Variants in MTMR14 observed in about 807,000 individuals in gnomAD.
MTMR14 encodes the protein myotubularin related protein 14.
A neutral mutation model predicts 86.3 loss-of-function variants in MTMR14; 48 were observed. The observed-to-expected ratio is 0.56, with a 90% CI of 0.44 to 0.71. The LOEUF is 0.71. Ranked by LOEUF, MTMR14 falls within the 30% of genes least tolerant of loss-of-function variation. MTMR14 has a pLI of 0.00. For synonymous variants in MTMR14, 366 were observed against 326.1 expected, an observed-to-expected ratio of 1.12 and a Z score of -1.32; for missense variants, 780 against 834.6, an observed-to-expected ratio of 0.93 and a Z score of 0.81.
chr3:9,686,717 G>A (rs1559604972), intron 13 of MTMR14, among the ~76,000 whole-genome samples: 1 of 152,258 alleles, frequency 6.6e-6, no homozygotes, highest in Non-Finnish European at 1.5e-5. Flanking sequence ...GTGGGGGGCA[G>A]CTCCTTGCCT....
In MTMR14 at chr3:9,677,923, C is replaced by G; in HGVS notation, c.823-61C>G. 6.6e-7 allele frequency: 1 copy of G among 1,507,584 alleles called. No individual in the cohort carries two copies. Among genetic ancestry groups the G allele is most frequent in the Non-Finnish European group, 9.2e-7 (1 of 1,090,248 alleles). 93.4% of individuals were successfully genotyped at this position (1,507,584 alleles called of 1,614,324 possible). On this transcript the variant is annotated intron_variant, in intron 8 of 18. Coordinates refer to ENST00000296003, the MANE Select transcript of MTMR14 (RefSeq NM_001077525.3). This position sits in a 1 kb window ranked among gnomAD's most constrained non-coding sequence, Gnocchi z 4.2. ...CACAGCCTCAGGACTGCAAGCTTCCCCATCACCTAAGCCTCCTCTGGTGGC... is the reference window on the plus strand; with the variant it reads ...CACAGCCTCAGGACTGCAAGCTTCCGCATCACCTAAGCCTCCTCTGGTGGC...
At chr3:9,656,124 G>C (rs1329760987) in intron 2 of MTMR14, among the ~76,000 whole-genome samples, 1 of 152,044 alleles carries the variant, frequency 6.6e-6, no homozygotes, top group Non-Finnish European at 1.5e-5. Flanking sequence ...GAACCCAGGA[G>C]GCGGAGACTG....
intron 13 of MTMR14, among the ~76,000 whole-genome samples, chr3:9,686,516 G>A (rs755181271): frequency 2.6e-5 from 4 of 152,134 alleles, no homozygotes; most frequent in East Asian, 3.8e-4. Context: ...ACACTGATGC[G>A]TCCAAAGCAA....
Position 9,677,232 on chromosome 3 carries a change from C to G in MTMR14, c.752-85C>G. 4 of 1,271,606 alleles carry G rather than the reference C, an allele frequency of 3.1e-6. No homozygotes were observed. The South Asian group carries it at 4.9e-5, about 15-fold the overall frequency. The allele number at this position is 1,271,606 out of a possible 1,614,324, so 78.8% of individuals were successfully genotyped here. A position where few individuals can be genotyped will look rare whatever the true frequency, so the allele number is the denominator to read the frequency against. ...AGTTGGCGGCCCCCTCTCCACAGCACTCAGGGACCTGGGTCTGGCCAGGGC... is the reference window on the plus strand; with the variant it reads ...AGTTGGCGGCCCCCTCTCCACAGCAGTCAGGGACCTGGGTCTGGCCAGGGC... On this transcript the variant is annotated intron_variant, in intron 7 of 18. Coordinates refer to ENST00000296003, the MANE Select transcript of MTMR14 (RefSeq NM_001077525.3). This position sits in a 1 kb window ranked among gnomAD's most constrained non-coding sequence, Gnocchi z 4.2.
chr3:9,702,080 A>C lies in MTMR14; in HGVS notation c.*107A>C. ...GTACTTCCAGGTCAGGGGAAATTTC[A>C]GTCCCCCATCTCCATCATGAACATG... On this transcript the variant is annotated 3_prime_UTR_variant, in exon 19 of 19. Coordinates refer to ENST00000296003, the MANE Select transcript of MTMR14 (RefSeq NM_001077525.3). The C allele has an allele frequency of 7.1e-7, 1 of 1,414,040 alleles. No homozygotes were observed. The highest frequency in any genetic ancestry group is 1.4e-5 in the African/African-American group (1 of 71,168). The allele number at this position is 1,414,040 out of a possible 1,614,324, so 87.6% of individuals were successfully genotyped here. A position where few individuals can be genotyped will look rare whatever the true frequency, so the allele number is the denominator to read the frequency against.
intron 7 of MTMR14, among the ~76,000 whole-genome samples, chr3:9,675,829 T>C (rs2075551150): frequency 6.6e-6 from 1 of 152,208 alleles, no homozygotes; most frequent in Non-Finnish European, 1.5e-5. Flanking sequence ...ACAAGAGCTC[T>C]GAGGGATAAT....
chr3:9,653,530 T>C, intron 1 of MTMR14, 91 bp from the exon 2 acceptor site: 1 of 1,540,470 alleles, frequency 6.5e-7, no homozygotes, highest in Non-Finnish European at 9.0e-7. Context: ...GTACATGTCT[T>C]TCCCAGTGAC....
chr3:9,698,897 G>A (rs1160066058), intron 18 of MTMR14, among the ~76,000 whole-genome samples: 2 of 152,112 alleles, frequency 1.3e-5, no homozygotes, highest in Non-Finnish European at 2.9e-5. Context: ...GGCCGGGCAT[G>A]GTGGCTCACG....
intron 4 of MTMR14, 22 bp from the exon 5 acceptor site, chr3:9,669,410 G>A (rs758721974): frequency 3.5e-5 from 56 of 1,613,370 alleles, no homozygotes; most frequent in Non-Finnish European, 4.7e-5. Context: ...CCTCAGTACT[G>A]ACAGATAGGT....
Position 9,678,008 on chromosome 3 carries a change from A to T in MTMR14, c.847A>T (p.Ile283Phe), listed in dbSNP as rs2075638520. ...GGACTACGTTGATGCCCCATTGAGC[A>T]TCCCCGACTTCCTGACTCACTCTCT... is the stretch of plus-strand genomic sequence containing the variant. ...KQDYVDAPLS[I>F]PDFLTHSLNI... Residue 283 changes from isoleucine (I) to phenylalanine (F), a missense_variant, in exon 9 of 19, where the codon ATC becomes TTC. By Grantham distance (21) the Ile-to-Phe change is conservative. Transcript: ENST00000296003. 1 of 1,613,964 alleles carries T rather than the reference A, an allele frequency of 6.2e-7. No homozygotes were observed. The highest frequency in any genetic ancestry group is 1.7e-5 in the Admixed American group (1 of 59,990).
At position 9,697,718 on chromosome 3, in the gene MTMR14, G is replaced by A; in HGVS notation, c.1621G>A (p.Asp541Asn). Residue 541 changes from aspartate (D) to asparagine (N), a missense_variant, in exon 18 of 19, where the codon GAC becomes AAC. Coordinates refer to ENST00000296003, the MANE Select transcript of MTMR14 (RefSeq NM_001077525.3). ...CTCTCCTCTCTGCCCCAGATCAGTGGACCATCCCCTGCCCGGATCCTCTCT... is the reference window on the plus strand; with the variant it reads ...CTCTCCTCTCTGCCCCAGATCAGTGAACCATCCCCTGCCCGGATCCTCTCT... ...PLEVPKPRSV[D>N]HPLPGSSLST... 2 of 1,613,910 alleles carry A rather than the reference G, an allele frequency of 1.2e-6. No homozygotes were observed. Among genetic ancestry groups the A allele is most frequent in the East Asian group, 2.2e-5 (1 of 44,870 alleles).
At chr3:9,667,645 C>G (rs1425681708) in intron 3 of MTMR14, among the ~76,000 whole-genome samples, 1 of 152,164 alleles carries the variant, frequency 6.6e-6, no homozygotes, top group African/African-American at 2.4e-5. Flanking sequence ...GCCCCTCATT[C>G]TGTCCCAGGT....
chr3:9,697,707 C>A lies in MTMR14; in HGVS notation c.1614-4C>A, dbSNP rs775116717. ...CTCTCCCCTCTCTCTCCTCTCTGCC[C>A]CAGATCAGTGGACCATCCCCTGCCC... On this transcript the variant is annotated splice_region_variant and splice_polypyrimidine_tract_variant and intron_variant, in intron 17 of 18. Transcript: ENST00000296003. 1.9e-6 allele frequency: 3 copies of A among 1,613,800 alleles called. No individual in the cohort carries two copies. The African/African-American group carries it at 4.0e-5, about 22-fold the overall frequency.
chr3:9,682,932 A>ACCCCCCCCCC (rs542468520), intron 9 of MTMR14, among the ~76,000 whole-genome samples: 1 of 143,494 alleles, frequency 7.0e-6, no homozygotes, highest in African/African-American at 2.8e-5. Context: ...ATTGGGTCAG[A>ACCCCCCCCCC]GCCCCCCCCC....
intron 7 of MTMR14, among the ~76,000 whole-genome samples, 170 bp downstream of exon 7, chr3:9,672,928 A>T (rs530399378): frequency 1.3e-5 from 2 of 152,290 alleles, no homozygotes; most frequent in Admixed American, 6.5e-5. Context: ...TAAGCATAGG[A>T]TAGTGTCCTG....
intron 7 of MTMR14, among the ~76,000 whole-genome samples, chr3:9,675,099 G>C (rs140317483): frequency 2.0e-3 from 303 of 152,294 alleles, no homozygotes; most frequent in African/African-American, 6.8e-3. Flanking sequence ...CAACAAGAGG[G>C]AAACTCCGTC....
Position 9,653,700 on chromosome 3 carries a change from A to G in MTMR14, c.239A>G (p.Asp80Gly), listed in dbSNP as rs751126677. Residue 80 changes from aspartate to glycine, a missense_variant, in exon 2 of 19, where the codon GAT becomes GGT. Asp to Gly is a moderately conservative substitution (Grantham distance 94, BLOSUM62 -1). Coordinates refer to ENST00000296003, the MANE Select transcript of MTMR14 (RefSeq NM_001077525.3). ...CFSVIPNTNGDICGHYPRHIV... is the reference protein window; with the variant it reads ...CFSVIPNTNGGICGHYPRHIV... ...AGCGTGATTCCAAACACGAATGGGG[A>G]TATCTGTGGCCACTATCCCCGGCAC... 1.9e-6 allele frequency: 3 copies of G among 1,614,062 alleles called. No individual in the cohort carries two copies. The highest frequency in any genetic ancestry group is 2.5e-6 in the Non-Finnish European group (3 of 1,180,028).
At chr3:9,686,708 TG>T (rs900302427) in intron 13 of MTMR14, among the ~76,000 whole-genome samples, 1 of 152,168 alleles carries the variant, frequency 6.6e-6, no homozygotes, top group Non-Finnish European at 1.5e-5. Flanking sequence ...CCTCTCCTTG[TG>T]GGGGGCAGCT....
At chr3:9,694,214 C>T (rs2076217601) in intron 17 of MTMR14, among the ~76,000 whole-genome samples, 1 of 152,200 alleles carries the variant, frequency 6.6e-6, no homozygotes, top group African/African-American at 2.4e-5. Context: ...TTGGTCAGAC[C>T]TGGGTTTCCG....
Sources: gnomAD v4.1 joint callset for allele counts (sites outside exome capture counted in the v4.1 genomes callset) on GRCh38, gnomAD v4.1.1 for gene constraint, Gnocchi (gnomAD v3.1) non-coding constraint, MANE v1.5 for transcripts, NCBI Gene and HGNC (gene_info 2026-07-23, HGNC 2026-07-21) for gene names.